PCSK5: variants seen among roughly 807,000 people sequenced by gnomAD.
PCSK5 encodes prohormone convertase 5.
Under a neutral mutation model 233.2 loss-of-function variants are expected in PCSK5, and 129 were observed. That is an observed-to-expected ratio of 0.55 (90% confidence interval 0.48 to 0.64). The LOEUF (loss-of-function observed/expected upper bound fraction) is 0.64. Among genes scored for constraint, PCSK5 ranks in the 30% least tolerant of loss-of-function variants. The pLI is 0.00. For synonymous variants in PCSK5, 825 were observed against 879.2 expected (o/e 0.94, Z 1.09); for missense variants, 2,076 against 2,430.1 (o/e 0.85, Z 3.06).
At chr9:76,197,563 T>G (rs758116261) in intron 20 of PCSK5, among the ~76,000 whole-genome samples, 5 of 152,154 alleles carry the variant, frequency 3.3e-5, no homozygotes, top group Non-Finnish European at 7.4e-5. Flanking sequence ...GCCGCTAAAA[T>G]ATAAAATAGA....
chr9:76,278,004 A>G (rs1394456140), intron 24 of PCSK5, among the ~76,000 whole-genome samples: 1 of 152,184 alleles, frequency 6.6e-6, no homozygotes, highest in African/African-American at 2.4e-5. Context: ...CAATTTACTT[A>G]ATTATCTCTC....
intron 20 of PCSK5, among the ~76,000 whole-genome samples, chr9:76,225,314 T>A (rs772263881): frequency 6.6e-6 from 1 of 152,240 alleles, no homozygotes; most frequent in Non-Finnish European, 1.5e-5. Flanking sequence ...TTAAAAAATA[T>A]ATCCATAAAA....
intron 1 of PCSK5, among the ~76,000 whole-genome samples, chr9:75,900,537 G>A (rs1386588806): frequency 6.6e-6 from 1 of 151,644 alleles, no homozygotes; most frequent in Non-Finnish European, 1.5e-5. Context: ...AAATTAGCCA[G>A]GTGTGGTGGT....
intron 8 of PCSK5, among the ~76,000 whole-genome samples, chr9:76,097,271 G>A (rs1376798580): frequency 1.7e-4 from 1 of 5,762 alleles, no homozygotes; most frequent in Non-Finnish European, 3.9e-4. Context: ...TTTTTTTTTT[G>A]AGACGGAGTC....
chr9:76,012,122 A>C (rs1827752479), intron 3 of PCSK5, among the ~76,000 whole-genome samples: 1 of 152,244 alleles, frequency 6.6e-6, no homozygotes, highest in Admixed American at 6.5e-5. Context: ...AATTTTAAAA[A>C]ATAAACACAC....
intron 3 of PCSK5, among the ~76,000 whole-genome samples, chr9:76,004,008 G>A (rs1827371841): frequency 6.6e-6 from 1 of 152,038 alleles, no homozygotes; most frequent in Non-Finnish European, 1.5e-5. Flanking sequence ...GTGTTCCGTA[G>A]GTTGGTCTCA....
chr9:76,234,612 T>G lies in PCSK5; in HGVS notation c.2866+1016T>G, dbSNP rs575881902. Among the ~76,000 whole-genome samples the G allele has an allele frequency of 1.2e-4, 19 of 152,344 alleles. 1 individual carries two copies. Among genetic ancestry groups the G allele is most frequent in the African/African-American group, 4.6e-4 (19 of 41,588 alleles). ...TTCATGTGTCAAAACATGACAAATATCTGTCATATTTTACTTCTAGACTGC... is the reference window on the plus strand; with the variant it reads ...TTCATGTGTCAAAACATGACAAATAGCTGTCATATTTTACTTCTAGACTGC... On this transcript the variant is annotated intron_variant, in intron 22 of 37. Transcript: ENST00000674117.
intron 12 of PCSK5, among the ~76,000 whole-genome samples, chr9:76,164,429 A>C (rs1432831373): frequency 6.6e-6 from 1 of 152,210 alleles, no homozygotes; most frequent in Non-Finnish European, 1.5e-5. Context: ...ACGTATTAAG[A>C]TCACGTACAG....
chr9:76,139,645 T>G (rs796385002), intron 10 of PCSK5, among the ~76,000 whole-genome samples: 3 of 152,212 alleles, frequency 2.0e-5, no homozygotes, highest in African/African-American at 7.2e-5. Context: ...CCTAACATAT[T>G]TTTTTAAGAT....
chr9:76,351,519 A>G lies in PCSK5; in HGVS notation c.5067+591A>G, dbSNP rs543541665. On this transcript the variant is annotated intron_variant, in intron 36 of 37. Transcript: ENST00000674117. The stretch of plus-strand genomic sequence containing the variant: ...AAGAAAGAAAGAAAGAAAGAAAGAA[A>G]GAAAGAAAGAAAGGAAGGAAAGAAA... Among the ~76,000 whole-genome samples, 258 of 71,944 alleles carry G rather than the reference A, an allele frequency of 3.6e-3. 2 individuals carry two copies. The highest frequency in any genetic ancestry group is 6.8e-3 in the Non-Finnish European group (177 of 26,084). The allele number at this position is 71,944 out of a possible 152,430, so 47.2% of individuals were successfully genotyped here.
chr9:76,257,085 T>C (rs1827007731), intron 24 of PCSK5, among the ~76,000 whole-genome samples: 1 of 152,208 alleles, frequency 6.6e-6, no homozygotes, highest in Admixed American at 6.5e-5. Context: ...AGAAGCCTGT[T>C]GGTGTATCTG....
chr9:76,196,781 G>GA (rs1824721108), intron 20 of PCSK5, among the ~76,000 whole-genome samples: 1 of 152,178 alleles, frequency 6.6e-6, no homozygotes, highest in African/African-American at 2.4e-5. Flanking sequence ...TCCTCTAGAG[G>GA]TGAATGTATT....
At chr9:75,933,615 T>A (rs935393770) in intron 2 of PCSK5, among the ~76,000 whole-genome samples, 1 of 152,222 alleles carries the variant, frequency 6.6e-6, no homozygotes, top group African/African-American at 2.4e-5. Flanking sequence ...TTAATTTTTT[T>A]CTGGAATATG....
intron 20 of PCSK5, among the ~76,000 whole-genome samples, chr9:76,200,696 A>G (rs983804548): frequency 1.1e-4 from 16 of 152,250 alleles, no homozygotes. Flanking sequence ...TTCGAGAGAG[A>G]GAACCTGAGC....
intron 1 of PCSK5, among the ~76,000 whole-genome samples, chr9:75,920,181 T>G (rs1823187194): frequency 6.6e-6 from 1 of 152,224 alleles, no homozygotes; most frequent in Admixed American, 6.5e-5. Flanking sequence ...ATCTCTGAAC[T>G]GAACAACCAT....
intron 7 of PCSK5, among the ~76,000 whole-genome samples, chr9:76,084,074 G>C (rs1830965043): frequency 6.6e-6 from 1 of 152,188 alleles, no homozygotes; most frequent in Non-Finnish European, 1.5e-5. Context: ...ACTGGGATTT[G>C]CTTTAGAAAT....
chr9:76,028,911 G>A (rs1414900722), intron 5 of PCSK5, among the ~76,000 whole-genome samples: 4 of 152,118 alleles, frequency 2.6e-5, no homozygotes, highest in Admixed American at 6.5e-5. Flanking sequence ...TGGAGGAGTC[G>A]GTTGGGTCTG....
intron 3 of PCSK5, among the ~76,000 whole-genome samples, chr9:76,001,399 T>C (rs1046574726): frequency 5.9e-5 from 9 of 151,756 alleles, no homozygotes; most frequent in African/African-American, 2.2e-4. Context: ...AGATGAGCTA[T>C]CTTTAGTCCT....
intron 24 of PCSK5, among the ~76,000 whole-genome samples, chr9:76,268,891 G>T (rs1827422002): frequency 6.6e-6 from 1 of 152,176 alleles, no homozygotes; most frequent in African/African-American, 2.4e-5. Flanking sequence ...GAAGCACCAG[G>T]CTAGTGATCA....
Sources: allele counts gnomAD v4.1 joint callset (sites outside exome capture counted in the v4.1 genomes callset), GRCh38; gene constraint gnomAD v4.1.1; transcripts MANE v1.5; gene names NCBI Gene and HGNC (gene_info 2026-07-23, HGNC 2026-07-21).